The following ACBD6 variants were observed in gnomAD, a reference collection of about 807,000 sequenced individuals.
ACBD6 encodes acyl-CoA binding domain containing 6.
Under a neutral mutation model 37.2 loss-of-function variants are expected in ACBD6, and 28 were observed. The ratio of observed to expected loss-of-function variants is 0.75; its 90% CI spans 0.56 to 1.03. The LOEUF is 1.03. Among genes scored for constraint, ACBD6 ranks in the 50% least tolerant of loss-of-function variants. The pLI is 0.00. For synonymous variants in ACBD6, 113 were observed against 126.8 expected, an observed-to-expected ratio of 0.89 and a Z score of 0.73; for missense variants, 340 against 337.4, an observed-to-expected ratio of 1.01 and a Z score of -0.06.
chr1:180,498,814 C>T (rs1031671722), intron 1 of ACBD6, among the ~76,000 whole-genome samples: 11 of 150,842 alleles, frequency 7.3e-5, no homozygotes, highest in South Asian at 4.2e-4. Flanking sequence ...GCCCAGATTA[C>T]GCCACTGCAT....
chr1:180,355,964 T>G (rs920443649), intron 6 of ACBD6, among the ~76,000 whole-genome samples: 7 of 147,774 alleles, frequency 4.7e-5, no homozygotes, highest in South Asian at 2.1e-4. Context: ...GCCTCCCGGG[T>G]TCAAGCAATT....
chr1:180,355,203 G>A (rs963046413), intron 6 of ACBD6, among the ~76,000 whole-genome samples: 7 of 152,260 alleles, frequency 4.6e-5, no homozygotes, highest in African/African-American at 1.7e-4. Context: ...AGAAACTAAC[G>A]CTTAGGTTAA....
chr1:180,353,236 C>G (rs1444648777), intron 6 of ACBD6, among the ~76,000 whole-genome samples: 1 of 152,090 alleles, frequency 6.6e-6, no homozygotes, highest in Admixed American at 6.5e-5. Context: ...ATTTGGCTGA[C>G]TTAGGAAATT....
intron 6 of ACBD6, among the ~76,000 whole-genome samples, chr1:180,395,638 A>G (rs1654233088): frequency 6.6e-6 from 1 of 152,232 alleles, no homozygotes; most frequent in South Asian, 2.1e-4. Flanking sequence ...TATTGTCAAA[A>G]GCACAGAAAA....
At chr1:180,428,006 A>G (rs946093246) in intron 4 of ACBD6, among the ~76,000 whole-genome samples, 1 of 152,088 alleles carries the variant, frequency 6.6e-6, no homozygotes, top group Non-Finnish European at 1.5e-5. Context: ...CTATAAAAAG[A>G]ACTCTCCCAA....
intron 6 of ACBD6, among the ~76,000 whole-genome samples, chr1:180,339,118 T>C (rs1651866336): frequency 6.6e-6 from 1 of 152,342 alleles, no homozygotes; most frequent in Admixed American, 6.5e-5. Flanking sequence ...TGGAAGTCAG[T>C]GTGGCAATTC....
At chr1:180,496,949 A>G (rs2102100414) in intron 1 of ACBD6, among the ~76,000 whole-genome samples, 1 of 152,296 alleles carries the variant, frequency 6.6e-6, no homozygotes, top group South Asian at 2.1e-4. Flanking sequence ...CTCAGTTCAC[A>G]CATTAGTATA....
chr1:180,341,322 A>T (rs1442166202), intron 6 of ACBD6, among the ~76,000 whole-genome samples: 1 of 152,180 alleles, frequency 6.6e-6, no homozygotes, highest in African/African-American at 2.4e-5. Flanking sequence ...GAATATGGAT[A>T]AGAGAAAATA....
Position 180,426,503 on chromosome 1 carries a change from C to T in ACBD6, c.467+3677G>A, listed in dbSNP as rs546349255. On this transcript the variant is annotated intron_variant, in intron 4 of 7. Transcript: ENST00000367595. ...GCGGTATAAATGAAAAACAGCTGAT[C>T]GCAAAACCAGAGGTTACTCCCTGTT... Among the ~76,000 whole-genome samples the T allele has an allele frequency of 5.2e-4, 79 of 152,264 alleles. No homozygotes were observed. The South Asian group carries it at 7.1e-3, about 14-fold the overall frequency.
chr1:180,274,673 C>A, exon 10 of ACBD6: 1 of 1,371,930 alleles, frequency 7.3e-7, no homozygotes, highest in African/African-American at 1.4e-5. Context: ...GAAAGTACGC[C>A]AATGTGAATT....
At chr1:180,492,738 A>T (rs1651557116) in intron 2 of ACBD6, among the ~76,000 whole-genome samples, 1 of 152,218 alleles carries the variant, frequency 6.6e-6, no homozygotes, top group African/African-American at 2.4e-5. Flanking sequence ...ACTAATAGAG[A>T]TTATTCTCAT....
intron 3 of ACBD6, among the ~76,000 whole-genome samples, chr1:180,448,524 T>C (rs1649564854): frequency 6.6e-6 from 1 of 152,182 alleles, no homozygotes. Context: ...TTATTGTCCT[T>C]GTTGTCCTAC....
intron 6 of ACBD6, among the ~76,000 whole-genome samples, chr1:180,339,563 A>C (rs567307341): frequency 1.6e-4 from 25 of 152,262 alleles, no homozygotes; most frequent in Non-Finnish European, 2.8e-4. Context: ...GGATAGCGTT[A>C]GGAGATATAG....
At chr1:180,356,065 G>T (rs1469163019) in intron 6 of ACBD6, among the ~76,000 whole-genome samples, 1 of 151,868 alleles carries the variant, frequency 6.6e-6, no homozygotes, top group African/African-American at 2.4e-5. Flanking sequence ...TAGAAACGGG[G>T]TTTCACCATA....
At chr1:180,416,199 C>T (rs912814439) in intron 4 of ACBD6, among the ~76,000 whole-genome samples, 1 of 152,072 alleles carries the variant, frequency 6.6e-6, no homozygotes, top group African/African-American at 2.4e-5. Flanking sequence ...ACAATGTCAC[C>T]ATCTAGTGGC....
chr1:180,297,461 G>C (rs1649964133), intron 7 of ACBD6, among the ~76,000 whole-genome samples: 1 of 152,134 alleles, frequency 6.6e-6, no homozygotes, highest in Admixed American at 6.5e-5. Context: ...TTCTTAGAAG[G>C]CTACCAAGAT....
chr1:180,310,652 G>C (rs1650549588), intron 7 of ACBD6, among the ~76,000 whole-genome samples: 1 of 152,126 alleles, frequency 6.6e-6, no homozygotes, highest in Non-Finnish European at 1.5e-5. Flanking sequence ...TTATACAGAT[G>C]TTCAGGAGTT....
chr1:180,271,427 A>G (rs1195858026), exon 14 of ACBD6: 1 of 1,614,178 alleles, frequency 6.2e-7, no homozygotes, highest in Non-Finnish European at 8.5e-7. Flanking sequence ...CATCACAGCC[A>G]AGCAGCTGGA....
intron 6 of ACBD6, chr1:180,326,663 C>T (rs1433823607): frequency 5.9e-5 from 9 of 152,230 alleles, no homozygotes; most frequent in Non-Finnish European, 1.0e-4. Context: ...TGCTGGGTCT[C>T]ACCTGAAGCC....
Sources: allele counts gnomAD v4.1 joint callset (sites outside exome capture counted in the v4.1 genomes callset), GRCh38; gene constraint gnomAD v4.1.1; transcripts MANE v1.5; gene names NCBI Gene and HGNC (gene_info 2026-07-23, HGNC 2026-07-21).